PRICKLE1: variants seen among roughly 807,000 people sequenced by gnomAD.
The protein encoded by PRICKLE1 is prickle planar cell polarity protein 1, also known as prickle-like protein 1.
In PRICKLE1, 14 loss-of-function variants were observed where a neutral mutation model predicts 70.2. The ratio of observed to expected loss-of-function variants is 0.20; its 90% CI spans 0.13 to 0.31. The LOEUF is 0.31. Ranked by LOEUF, PRICKLE1 falls within the 10% of genes least tolerant of loss-of-function variation. The probability of loss-of-function intolerance (pLI) is 1.00; values close to 1 mark genes in which losing one functional copy is unlikely to be tolerated. For missense variants in PRICKLE1, 821 were observed against 1,026.2 expected (o/e 0.80, Z 2.73); for synonymous variants, 357 against 379.9 (o/e 0.94, Z 0.70).
At chr12:42,554,059 C>G (rs1208814503) in intron 1 of PRICKLE1, among the ~76,000 whole-genome samples, 2 of 151,982 alleles carry the variant, frequency 1.3e-5, no homozygotes, top group Non-Finnish European at 2.9e-5. Flanking sequence ...GACTGAGATC[C>G]CACCATTGCA....
intron 1 of PRICKLE1, chr12:42,550,283 T>TGATC (rs1353552380): frequency 2.6e-5 from 4 of 152,054 alleles, no homozygotes; most frequent in African/African-American, 9.7e-5. Flanking sequence ...CAGTGAGCCA[T>TGATC]GATCGCGCCA....
At chr12:42,515,412 G>T (rs1163604372) in intron 1 of PRICKLE1, among the ~76,000 whole-genome samples, 3 of 151,932 alleles carry the variant, frequency 2.0e-5, no homozygotes, top group Non-Finnish European at 4.4e-5. Flanking sequence ...ACTAATTTTT[G>T]TATTTAGTAG....
At chr12:42,522,604 G>A (rs1033632818) in intron 1 of PRICKLE1, among the ~76,000 whole-genome samples, 2 of 152,156 alleles carry the variant, frequency 1.3e-5, no homozygotes, top group African/African-American at 4.8e-5. Flanking sequence ...AATGAGATCT[G>A]TGTACATTGG....
At chr12:42,507,953 G>C (rs1457646475) in intron 1 of PRICKLE1, among the ~76,000 whole-genome samples, 1 of 152,180 alleles carries the variant, frequency 6.6e-6, no homozygotes, top group East Asian at 1.9e-4. Flanking sequence ...GATATAAAAT[G>C]CAACGATGTC....
intron 1 of PRICKLE1, among the ~76,000 whole-genome samples, chr12:42,587,891 T>A (rs1941008426): frequency 6.6e-6 from 1 of 152,276 alleles, no homozygotes; most frequent in Non-Finnish European, 1.5e-5. Context: ...AATCTTTGGA[T>A]TAAGTTGATG....
chr12:42,460,215 G>A lies in PRICKLE1; in HGVS notation c.2090C>T (p.Pro697Leu). ...LNLVTERKYSPKDRLRLYTPD... is the reference protein window; with the variant it reads ...LNLVTERKYSLKDRLRLYTPD... ...GGTGTACAGCCGCAGTCTGTCCTTG[G>A]GAGAGTATTTTCTTTCTGTAACAAG... Residue 697 changes from proline (P) to leucine (L), a missense_variant, in exon 8 of 8, where the codon CCC becomes CTC. Transcript: ENST00000345127. 1.2e-6 allele frequency: 2 copies of A among 1,614,094 alleles called. No homozygotes were observed. Among genetic ancestry groups the A allele is most frequent in the Non-Finnish European group, 1.7e-6 (2 of 1,180,018 alleles).
chr12:42,505,721 C>T (rs920419915), intron 1 of PRICKLE1, among the ~76,000 whole-genome samples: 17 of 152,182 alleles, frequency 1.1e-4, no homozygotes, highest in African/African-American at 3.6e-4. Flanking sequence ...CAGGTGTAAG[C>T]CACTGAGCCC....
intron 1 of PRICKLE1, among the ~76,000 whole-genome samples, chr12:42,512,972 ATTG>A (rs1056556992): frequency 4.4e-5 from 5 of 113,526 alleles, no homozygotes; most frequent in Non-Finnish European, 9.2e-5. Context: ...TATTATTATT[ATTG>A]TTATTTTTAT....
At chr12:42,584,975 TC>T (rs1940963734) in intron 1 of PRICKLE1, among the ~76,000 whole-genome samples, 1 of 151,370 alleles carries the variant, frequency 6.6e-6, no homozygotes, top group African/African-American at 2.4e-5. Flanking sequence ...GGGACAAAAC[TC>T]TTAGAAAGGA....
intron 1 of PRICKLE1, among the ~76,000 whole-genome samples, chr12:42,549,314 T>C (rs141023147): frequency 2.2e-4 from 34 of 152,216 alleles, no homozygotes; most frequent in Non-Finnish European, 3.7e-4. Context: ...TGGCCATAGC[T>C]GAATCCACAT....
chr12:42,558,133 C>T (rs146130323), intron 1 of PRICKLE1, among the ~76,000 whole-genome samples: 253 of 152,188 alleles, frequency 1.7e-3, no homozygotes, highest in African/African-American at 5.6e-3. Flanking sequence ...ATTGTTTAAC[C>T]ACTCATACTA....
chr12:42,562,167 C>T (rs1940528285), intron 1 of PRICKLE1, among the ~76,000 whole-genome samples: 1 of 152,084 alleles, frequency 6.6e-6, no homozygotes, highest in African/African-American at 2.4e-5. Context: ...GCCTTGGTCT[C>T]CCAAAGTGCT....
intron 1 of PRICKLE1, among the ~76,000 whole-genome samples, chr12:42,577,040 T>A (rs1001605003): frequency 2.0e-5 from 3 of 152,212 alleles, no homozygotes; most frequent in Non-Finnish European, 4.4e-5. Flanking sequence ...GAATGTTATG[T>A]TATTTTTATT....
intron 1 of PRICKLE1, among the ~76,000 whole-genome samples, chr12:42,548,899 T>G (rs1385571347): frequency 6.6e-6 from 1 of 152,098 alleles, no homozygotes; most frequent in Non-Finnish European, 1.5e-5. Context: ...GGCAGGTGGA[T>G]CAGTTGAGGC....
At position 42,464,936 on chromosome 12, in the gene PRICKLE1, A is replaced by C; in HGVS notation, c.1098T>G (p.Asn366Lys). ...LNYKFPGLSG[N>K]ADDTLSRKLD... ...ATTTTCGAGAAAGGGTGTCATCAGC[A>C]TTGCCTGAGAGGCCAGGAAACTTGT... The change falls in exon 7 of 8, where the codon AAT becomes AAG. Residue 366 changes from asparagine to lysine, a missense_variant. By Grantham distance (94) the Asn-to-Lys change is moderately conservative (BLOSUM62 0). Coordinates refer to ENST00000345127, the MANE Select transcript of PRICKLE1 (RefSeq NM_153026.3). The surrounding 1 kb of genome is among the most constrained non-coding windows in gnomAD (Gnocchi z 4.2). 1 of 1,614,182 alleles carries C rather than the reference A, an allele frequency of 6.2e-7. No individual in the cohort carries two copies.
At chr12:42,471,092 A>G (rs1183916096) in intron 2 of PRICKLE1, among the ~76,000 whole-genome samples, 2 of 152,126 alleles carry the variant, frequency 1.3e-5, no homozygotes, top group Non-Finnish European at 2.9e-5. Context: ...ACAAAGACAA[A>G]GGCTGTTTTG....
chr12:42,539,328 C>T (rs1045797504), intron 1 of PRICKLE1, among the ~76,000 whole-genome samples: 3 of 151,574 alleles, frequency 2.0e-5, no homozygotes, highest in Non-Finnish European at 2.9e-5. Context: ...ATTAGCCGGG[C>T]GTGGGGGTGG....
chr12:42,493,725 T>C (rs1023688771), intron 1 of PRICKLE1, among the ~76,000 whole-genome samples: 80 of 151,858 alleles, frequency 5.3e-4, no homozygotes, highest in Admixed American at 5.3e-3. Context: ...AGGCACTGTG[T>C]CACGTGCCTA....
At chr12:42,539,833 GA>G (rs1252580108) in intron 1 of PRICKLE1, among the ~76,000 whole-genome samples, 2 of 152,162 alleles carry the variant, frequency 1.3e-5, no homozygotes, top group Non-Finnish European at 2.9e-5. Context: ...GCACAAGACT[GA>G]AAGAAATGTC....
Sources: gnomAD v4.1 joint callset for allele counts (sites outside exome capture counted in the v4.1 genomes callset) on GRCh38, gnomAD v4.1.1 for gene constraint, Gnocchi (gnomAD v3.1) non-coding constraint, MANE v1.5 for transcripts, NCBI Gene and HGNC (gene_info 2026-07-23, HGNC 2026-07-21) for gene names.